FMNL2: variants seen among roughly 807,000 people sequenced by gnomAD.
The protein encoded by FMNL2 is formin-like protein 2.
A neutral mutation model predicts 130.2 loss-of-function variants in FMNL2; 51 were observed. The observed-to-expected ratio is 0.39, with a 90% CI of 0.31 to 0.49. The LOEUF is 0.49. FMNL2 is among the 20% of genes least tolerant of loss of function. The pLI, the probability that FMNL2 is intolerant of heterozygous loss-of-function variation, is 0.85. For synonymous variants in FMNL2, 465 were observed against 467.1 expected (o/e 1.00, Z 0.06); for missense variants, 977 against 1,316.2 (o/e 0.74, Z 3.99).
At chr2:152,541,555 G>T (rs547267538) in intron 2 of FMNL2, among the ~76,000 whole-genome samples, 7 of 152,096 alleles carry the variant, frequency 4.6e-5, no homozygotes, top group Non-Finnish European at 7.4e-5. Context: ...GGCCTCTTAG[G>T]AATGTGCCAT....
chr2:152,447,736 T>C (rs1472997024), intron 1 of FMNL2, among the ~76,000 whole-genome samples: 1 of 152,176 alleles, frequency 6.6e-6, no homozygotes, highest in Non-Finnish European at 1.5e-5. Context: ...CTGGATAGTC[T>C]TCCCTCAAGA....
intron 1 of FMNL2, among the ~76,000 whole-genome samples, chr2:152,487,028 T>G (rs2105263540): frequency 6.6e-6 from 1 of 152,360 alleles, no homozygotes; most frequent in African/African-American, 2.4e-5. Context: ...AGACAATATA[T>G]GGATCCCACA....
At chr2:152,354,844 AG>A (rs1458666880) in intron 1 of FMNL2, among the ~76,000 whole-genome samples, 1 of 152,174 alleles carries the variant, frequency 6.6e-6, no homozygotes, top group Non-Finnish European at 1.5e-5. Flanking sequence ...CAGACCCTTA[AG>A]GGTTCTTAAA....
At chr2:152,447,662 C>T (rs938581756) in intron 1 of FMNL2, among the ~76,000 whole-genome samples, 1 of 152,074 alleles carries the variant, frequency 6.6e-6, no homozygotes, top group Non-Finnish European at 1.5e-5. Flanking sequence ...CTTACATCAC[C>T]TTCACCCCCT....
chr2:152,519,046 T>C (rs1692929666), intron 1 of FMNL2, among the ~76,000 whole-genome samples: 1 of 152,202 alleles, frequency 6.6e-6, no homozygotes, highest in African/African-American at 2.4e-5. Context: ...GTTCTGACTT[T>C]TTTCAGCTCC....
chr2:152,457,528 G>A (rs1369974894), intron 1 of FMNL2, among the ~76,000 whole-genome samples: 1 of 152,048 alleles, frequency 6.6e-6, no homozygotes, highest in Non-Finnish European at 1.5e-5. Context: ...CAGACTTCAG[G>A]GTCCACATTC....
At chr2:152,547,923 T>C (rs1395211779) in intron 3 of FMNL2, among the ~76,000 whole-genome samples, 2 of 152,150 alleles carry the variant, frequency 1.3e-5, no homozygotes, top group Non-Finnish European at 2.9e-5. Context: ...AGACTGTCAC[T>C]TTATATTTCT....
chr2:152,634,428 C>T (rs1383535317), intron 21 of FMNL2, among the ~76,000 whole-genome samples: 3 of 152,088 alleles, frequency 2.0e-5, no homozygotes, highest in Non-Finnish European at 4.4e-5. Context: ...AGCGAGACTC[C>T]GTCTCAAAAA....
At chr2:152,624,587 C>T (rs1580125698) in intron 15 of FMNL2, among the ~76,000 whole-genome samples, 2 of 152,088 alleles carry the variant, frequency 1.3e-5, no homozygotes, top group African/African-American at 4.8e-5. Flanking sequence ...GCCTGTAATC[C>T]CAGCACTCTG....
intron 1 of FMNL2, among the ~76,000 whole-genome samples, chr2:152,396,576 A>G (rs1455221338): frequency 1.3e-5 from 2 of 152,194 alleles, no homozygotes; most frequent in South Asian, 2.1e-4. Flanking sequence ...TGAGTCCTGC[A>G]TATCAGGGCA....
intron 1 of FMNL2, among the ~76,000 whole-genome samples, chr2:152,372,054 C>A (rs4544376): frequency 0.24 from 36,862 of 152,118 alleles, 5,552 homozygotes; most frequent in East Asian, 0.71. Context: ...CCAGGTGACA[C>A]TACAGCTTCT....
chr2:152,338,147 G>A (rs1191171620), intron 1 of FMNL2, among the ~76,000 whole-genome samples: 1 of 151,914 alleles, frequency 6.6e-6, no homozygotes, highest in Non-Finnish European at 1.5e-5. Flanking sequence ...AGTTTTAAGT[G>A]GCAGATTTTT....
intron 2 of FMNL2, among the ~76,000 whole-genome samples, chr2:152,527,586 A>C (rs1330645661): frequency 6.6e-6 from 1 of 152,076 alleles, no homozygotes; most frequent in Non-Finnish European, 1.5e-5. Context: ...CATTTTTTTA[A>C]GTAAGAATTT....
At chr2:152,421,657 G>A (rs540065080) in intron 1 of FMNL2, among the ~76,000 whole-genome samples, 1 of 152,256 alleles carries the variant, frequency 6.6e-6, no homozygotes, top group Non-Finnish European at 1.5e-5. Context: ...AGAAATGTGA[G>A]ATGATTCAAT....
chr2:152,647,984 T>C lies in FMNL2; in HGVS notation c.*79T>C. ...TGAACTTTATGTGCTACGATTTAACTGCAGCCTTGAACACACACAAAAATA... is the reference window on the plus strand; with the variant it reads ...TGAACTTTATGTGCTACGATTTAACCGCAGCCTTGAACACACACAAAAATA... On this transcript the variant is annotated 3_prime_UTR_variant, in exon 26 of 26. Coordinates refer to ENST00000288670, the MANE Select transcript of FMNL2 (RefSeq NM_052905.4). 1.7e-6 allele frequency: 2 copies of C among 1,200,806 alleles called. No homozygotes were observed. The highest frequency in any genetic ancestry group is 2.4e-6 in the Non-Finnish European group (2 of 847,612). 74.4% of individuals were successfully genotyped at this position (1,200,806 alleles called of 1,614,324 possible).
At chr2:152,537,170 A>G (rs1426958631) in intron 2 of FMNL2, among the ~76,000 whole-genome samples, 1 of 152,252 alleles carries the variant, frequency 6.6e-6, no homozygotes, top group African/African-American at 2.4e-5. Flanking sequence ...ATGTTGTAGC[A>G]TAGCTGATGA....
chr2:152,636,422 T>G lies in FMNL2; in HGVS notation c.2681-5T>G, dbSNP rs766349554. On this transcript the variant is annotated splice_region_variant and splice_polypyrimidine_tract_variant and intron_variant, in intron 21 of 25. Coordinates refer to ENST00000288670, the MANE Select transcript of FMNL2 (RefSeq NM_052905.4). ...TTTCACTGGGATGTTCTTTCTCTGC[T>G]TTAGTCTCCCTTGAGAATGTTTTGC... The G allele has an allele frequency of 1.2e-6, 2 of 1,608,994 alleles. No homozygotes were observed. The highest frequency in any genetic ancestry group is 1.7e-6 in the Non-Finnish European group (2 of 1,177,456).
chr2:152,339,916 C>T (rs962030099), intron 1 of FMNL2, among the ~76,000 whole-genome samples: 5 of 152,072 alleles, frequency 3.3e-5, no homozygotes, highest in Non-Finnish European at 7.4e-5. Flanking sequence ...CACAGTGGCT[C>T]ACCCCTATAA....
chr2:152,506,571 A>G (rs532328695), intron 1 of FMNL2, among the ~76,000 whole-genome samples: 1 of 152,326 alleles, frequency 6.6e-6, no homozygotes, highest in South Asian at 2.1e-4. Flanking sequence ...GAATCCACAG[A>G]TGTGGAACCC....
Sources: gnomAD v4.1 joint callset for allele counts (sites outside exome capture counted in the v4.1 genomes callset) on GRCh38, gnomAD v4.1.1 for gene constraint, MANE v1.5 for transcripts, NCBI Gene and HGNC (gene_info 2026-07-23, HGNC 2026-07-21) for gene names.